Variants in SYNJ1 observed in about 807,000 individuals in gnomAD.
The protein encoded by SYNJ1 is polyphosphatidylinositol phosphatase SYNJ1.
A neutral mutation model predicts 168.2 loss-of-function variants in SYNJ1; 78 were observed. The ratio of observed to expected loss-of-function variants is 0.46; its 90% CI spans 0.39 to 0.56. The LOEUF is 0.56. Ranked by LOEUF, SYNJ1 falls within the 20% of genes least tolerant of loss-of-function variation. The pLI is 0.00. For synonymous variants in SYNJ1, 539 were observed against 548.6 expected (o/e 0.98, Z 0.24); for missense variants, 1,303 against 1,597.6 (o/e 0.82, Z 3.14).
chr21:32,645,449 C>T (rs923575856), intron 25 of SYNJ1, among the ~76,000 whole-genome samples, 197 bp downstream of exon 25: 2 of 152,142 alleles, frequency 1.3e-5, no homozygotes, highest in Non-Finnish European at 2.9e-5. Flanking sequence ...GTGAAAACAC[C>T]TTAGAGGAAT....
chr21:32,726,303 T>C (rs149434291), intron 2 of SYNJ1, among the ~76,000 whole-genome samples: 227 of 152,348 alleles, frequency 1.5e-3, no homozygotes, highest in African/African-American at 4.9e-3. Context: ...AAATCAATCA[T>C]GTATCTCACA....
chr21:32,700,190 T>C, intron 3 of SYNJ1, 85 bp from the exon 4 acceptor site: 1 of 1,431,030 alleles, frequency 7.0e-7, no homozygotes, highest in African/African-American at 1.4e-5. Flanking sequence ...ATTTTTTAAA[T>C]CTGACATTGT....
At chr21:32,705,806 C>T (rs2042586255) in intron 2 of SYNJ1, among the ~76,000 whole-genome samples, 1 of 151,906 alleles carries the variant, frequency 6.6e-6, no homozygotes, top group Non-Finnish European at 1.5e-5. Flanking sequence ...GGCAACGTGG[C>T]GAGACCCTGT....
At chr21:32,640,463 T>C (rs1440269500) in intron 29 of SYNJ1, among the ~76,000 whole-genome samples, 1 of 151,952 alleles carries the variant, frequency 6.6e-6, no homozygotes, top group Non-Finnish European at 1.5e-5. Context: ...ACGCGGCTAA[T>C]TTTTTGTATT....
Position 32,666,428 on chromosome 21 carries a change from C to T in SYNJ1, c.1952+5G>A. 6.2e-7 allele frequency: 1 copy of T among 1,612,622 alleles called. No individual in the cohort carries two copies. Among genetic ancestry groups the T allele is most frequent in the Non-Finnish European group, 8.5e-7 (1 of 1,179,530 alleles). On this transcript the variant is annotated splice_donor_5th_base_variant and intron_variant, in intron 16 of 32. Transcript: ENST00000674351. ...TAGCCTTAGAGGAGTGTTCTGTTTA[C>T]TGACCTGATAAAAGGAGCATGCTGT... is the stretch of plus-strand genomic sequence containing the variant.
intron 13 of SYNJ1, among the ~76,000 whole-genome samples, chr21:32,675,930 G>GTAGTTGTAAATATCA (rs2041389634): frequency 6.6e-6 from 1 of 152,152 alleles, no homozygotes; most frequent in African/African-American, 2.4e-5. Flanking sequence ...ACACTGTTTA[G>GTAGTTGTAAATATCA]TAGTTGTAAA....
chr21:32,657,804 G>C lies in SYNJ1; in HGVS notation c.2373C>G (p.Asp791Glu), dbSNP rs374390032. The change falls in exon 19 of 33, where the codon GAC becomes GAG. Residue 791 changes from aspartate to glutamate, a missense_variant. Asp to Glu is a conservative substitution (Grantham distance 45, BLOSUM62 2). Around this residue, in one of 2 missense-constraint regions of SYNJ1, gnomAD observed 920 missense variants for 1,208.8 expected, o/e 0.76. Transcript: ENST00000674351. ...GGCACTTTTCACTGGTGTCATAGTC[G>C]TCAGAAAACAAGTCATACTTATATG... ...APTYKYDLFSDDYDTSEKCRT... is the reference protein window; with the variant it reads ...APTYKYDLFSEDYDTSEKCRT... 6.2e-7 allele frequency: 1 copy of C among 1,613,892 alleles called. No individual in the cohort carries two copies. Among genetic ancestry groups the C allele is most frequent in the Non-Finnish European group, 8.5e-7 (1 of 1,179,962 alleles).
At chr21:32,632,737 A>G (rs1453210474) in intron 32 of SYNJ1, among the ~76,000 whole-genome samples, 1 of 152,090 alleles carries the variant, frequency 6.6e-6, no homozygotes, top group East Asian at 1.9e-4. Flanking sequence ...GAGTAATGTG[A>G]GGCTGGGCGC....
chr21:32,640,551 T>A (rs151296247), intron 29 of SYNJ1, among the ~76,000 whole-genome samples: 2,440 of 152,260 alleles, frequency 0.016, 31 homozygotes, highest in Non-Finnish European at 0.025. Context: ...CGCCTCGGCC[T>A]CCCAAAGTGC....
Position 32,666,520 on chromosome 21 carries a change from T to A in SYNJ1, c.1865A>T (p.Asp622Val). Residue 622 changes from aspartate (D) to valine (V), a missense_variant, in exon 16 of 33, where the codon GAC becomes GTC. By Grantham distance (152) the Asp-to-Val change is radical (BLOSUM62 -3). Transcript: ENST00000674351. ...AVELQKTISR[D>V]NKYVLLASEQ... ...AGAAGCCAGCAGCACATACTTGTTGTCTCTGGAGATTGTCTTCTGAAGTTC... is the reference window on the plus strand; with the variant it reads ...AGAAGCCAGCAGCACATACTTGTTGACTCTGGAGATTGTCTTCTGAAGTTC... 1.2e-6 allele frequency: 2 copies of A among 1,614,126 alleles called. No individual in the cohort carries two copies. The highest frequency in any genetic ancestry group is 1.7e-6 in the Non-Finnish European group (2 of 1,179,988).
In SYNJ1 at chr21:32,709,212, A is replaced by G. The variant is rs577496721; in HGVS notation, c.125-7165T>C. ...TAAGAAAAAACACTGCCGGTTGGGC[A>G]CAGTGGCTCACACCTATAATCCCAG... On this transcript the variant is annotated intron_variant, in intron 2 of 32. Coordinates refer to ENST00000674351, the MANE Select transcript of SYNJ1 (RefSeq NM_203446.3). Among the ~76,000 whole-genome samples the G allele has an allele frequency of 3.9e-5, 6 of 152,290 alleles. No individual in the cohort carries two copies. The South Asian group carries it at 6.2e-4, about 16-fold the overall frequency.
At chr21:32,646,122 G>T in intron 24 of SYNJ1, 1 of 671,822 alleles carries the variant, frequency 1.5e-6, no homozygotes. Flanking sequence ...AGCTCAAATA[G>T]TTAACGGGTT....
At chr21:32,695,012 TCTC>T (rs780394639) in intron 5 of SYNJ1, 42 bp downstream of exon 5, 1 of 1,510,046 alleles carries the variant, frequency 6.6e-7, no homozygotes, top group Non-Finnish European at 9.0e-7. Flanking sequence ...TTTCTGTGCT[TCTC>T]CTATAATAAA....
Position 32,726,413 on chromosome 21 carries a change from CTAT to C in SYNJ1, c.124+356_124+358del, listed in dbSNP as rs1601560677. Among the ~76,000 whole-genome samples the C allele has an allele frequency of 1.3e-5, 2 of 152,288 alleles. 1 individual carries two copies. ...GGATAATATTAGATAATACCTACTA[CTAT>C]AACTGACCTACCAGTAAATATGTCA... On this transcript the variant is annotated intron_variant, in intron 2 of 32. Transcript: ENST00000674351.
At chr21:32,670,779 G>A (rs978023723) in intron 14 of SYNJ1, 2 of 984,320 alleles carry the variant, frequency 2.0e-6, no homozygotes, top group East Asian at 1.1e-4. Flanking sequence ...GTAACAGTTG[G>A]GAGGAATTTT....
intron 5 of SYNJ1, 70 bp downstream of exon 5, chr21:32,694,987 C>T: frequency 7.3e-7 from 1 of 1,367,086 alleles, no homozygotes; most frequent in Admixed American, 2.0e-5. Flanking sequence ...AAATAAAAAT[C>T]TGTTATTCTA....
At position 32,676,314 on chromosome 21, in the gene SYNJ1, T is replaced by C. The variant is rs1184127033; in HGVS notation, c.1534+18A>G. 1.3e-6 allele frequency: 2 copies of C among 1,555,660 alleles called. No individual in the cohort carries two copies. The highest frequency in any genetic ancestry group is 1.7e-6 in the Non-Finnish European group (2 of 1,153,410). On this transcript the variant is annotated intron_variant, in intron 13 of 32. Transcript: ENST00000674351. ...GAAAAAATTGCTTTTATTTATAGAT[T>C]GATTTTCTATACTGTACCTGACTGT...
chr21:32,678,810 C>A lies in SYNJ1; in HGVS notation c.1354-9G>T. Reference sequence around the variant, plus strand: ...CGAGCACCATCTTTTAACTTTCCAGCCTGTTAAGAAAGGAGCGCAGATTTT... The same window carrying A: ...CGAGCACCATCTTTTAACTTTCCAGACTGTTAAGAAAGGAGCGCAGATTTT... On this transcript the variant is annotated splice_polypyrimidine_tract_variant and intron_variant, in intron 11 of 32. Coordinates refer to ENST00000674351, the MANE Select transcript of SYNJ1 (RefSeq NM_203446.3). The A allele has an allele frequency of 6.2e-7, 1 of 1,604,390 alleles. No individual in the cohort carries two copies. Among genetic ancestry groups the A allele is most frequent in the Non-Finnish European group, 8.5e-7 (1 of 1,177,422 alleles).
At chr21:32,704,435 G>C (rs570658103) in intron 2 of SYNJ1, among the ~76,000 whole-genome samples, 1 of 152,276 alleles carries the variant, frequency 6.6e-6, no homozygotes, top group Admixed American at 6.5e-5. Context: ...CCTACTTTAC[G>C]ATATATGCTT....
Sources: gnomAD v4.1 joint callset for allele counts (sites outside exome capture counted in the v4.1 genomes callset) on GRCh38, gnomAD v4.1.1 for gene constraint, gnomAD v4.1.1 regional missense constraint, MANE v1.5 for transcripts, NCBI Gene and HGNC (gene_info 2026-07-23, HGNC 2026-07-21) for gene names.